FSTL4: variants seen among roughly 807,000 people sequenced by gnomAD.
The protein encoded by FSTL4 is follistatin like 4, also known as follistatin-related protein 4.
In FSTL4, 28 loss-of-function variants were observed where a neutral mutation model predicts 78.2. That is an observed-to-expected ratio of 0.36 (90% CI 0.27 to 0.49). FSTL4 has a LOEUF of 0.49. FSTL4 is among the 20% of genes least tolerant of loss of function. The probability of loss-of-function intolerance (pLI) is 0.98; values close to 1 mark genes in which losing one functional copy is unlikely to be tolerated. For synonymous variants in FSTL4, 422 were observed against 440.5 expected, an observed-to-expected ratio of 0.96 and a Z score of 0.53; for missense variants, 922 against 1,084.9, an observed-to-expected ratio of 0.85 and a Z score of 2.11.
the FSTL4 span, among the ~76,000 whole-genome samples, chr5:133,757,077 A>G: frequency 6.6e-6 from 1 of 152,174 alleles, no homozygotes; most frequent in African/African-American, 2.4e-5. Flanking sequence ...AGACTCTAGA[A>G]TTGCCAGGCC....
intron 2 of FSTL4, among the ~76,000 whole-genome samples, chr5:133,592,613 G>A (rs1417580655): frequency 1.3e-5 from 2 of 152,150 alleles, no homozygotes; most frequent in African/African-American, 4.8e-5. Context: ...GCCTAATGGA[G>A]GTGTCTGAGT....
the FSTL4 span, among the ~76,000 whole-genome samples, chr5:133,714,625 T>A: frequency 6.6e-6 from 1 of 152,208 alleles, no homozygotes; most frequent in Admixed American, 6.5e-5. Flanking sequence ...CAAGCTGTGA[T>A]GAGTGAGTAA....
the FSTL4 span, among the ~76,000 whole-genome samples, chr5:133,827,875 G>A: frequency 6.6e-6 from 1 of 152,068 alleles, no homozygotes; most frequent in African/African-American, 2.4e-5. Flanking sequence ...ATCAAGATTT[G>A]CCTCAAAACT....
chr5:133,832,675 G>A, the FSTL4 span, among the ~76,000 whole-genome samples: 98 of 152,354 alleles, frequency 6.4e-4, no homozygotes, highest in African/African-American at 2.2e-3. Flanking sequence ...AGTTAGGCAA[G>A]ACCATTAAAC....
chr5:133,319,485 G>T (rs1008913887), intron 4 of FSTL4, among the ~76,000 whole-genome samples: 2 of 152,226 alleles, frequency 1.3e-5, no homozygotes, highest in East Asian at 3.9e-4. Flanking sequence ...GGAGGAAGCA[G>T]AGGGAAGAGC....
At chr5:133,726,336 G>T in the FSTL4 span, among the ~76,000 whole-genome samples, 1 of 152,276 alleles carries the variant, frequency 6.6e-6, no homozygotes, top group East Asian at 1.9e-4. Context: ...AGACGCCATC[G>T]ACTCTGAGCA....
intron 6 of FSTL4, among the ~76,000 whole-genome samples, chr5:133,293,654 C>T (rs1460995721): frequency 6.6e-6 from 1 of 152,156 alleles, no homozygotes; most frequent in Non-Finnish European, 1.5e-5. Context: ...CTACTCTCTC[C>T]ATCCTACTGT....
chr5:133,496,082 A>G (rs1004493662), intron 3 of FSTL4, among the ~76,000 whole-genome samples: 3 of 152,192 alleles, frequency 2.0e-5, no homozygotes, highest in Admixed American at 6.5e-5. Flanking sequence ...TGCCACCTGC[A>G]GCACATAACC....
intron 3 of FSTL4, among the ~76,000 whole-genome samples, chr5:133,457,123 AAAAG>A (rs1485026009): frequency 6.6e-6 from 1 of 152,174 alleles, no homozygotes; most frequent in African/African-American, 2.4e-5. Flanking sequence ...AAGAAAAAAA[AAAAG>A]AAGAAGAAAA....
the FSTL4 span, among the ~76,000 whole-genome samples, chr5:133,781,762 A>G: frequency 6.6e-6 from 1 of 152,224 alleles, no homozygotes; most frequent in African/African-American, 2.4e-5. Flanking sequence ...GAGCTTGCCA[A>G]CAATTACGGC....
At chr5:133,519,110 G>A (rs1421964895) in intron 3 of FSTL4, among the ~76,000 whole-genome samples, 2 of 152,122 alleles carry the variant, frequency 1.3e-5, no homozygotes, top group Admixed American at 6.5e-5. Flanking sequence ...AGAGTACAAG[G>A]TGCTCCATGC....
intron 3 of FSTL4, among the ~76,000 whole-genome samples, chr5:133,433,135 T>G (rs1434350276): frequency 6.6e-6 from 1 of 152,222 alleles, no homozygotes; most frequent in East Asian, 1.9e-4. Flanking sequence ...TCTTTTTCAG[T>G]GAACTAAAAG....
chr5:133,537,852 T>C (rs1417240713), intron 3 of FSTL4, among the ~76,000 whole-genome samples: 1 of 151,928 alleles, frequency 6.6e-6, no homozygotes, highest in Non-Finnish European at 1.5e-5. Flanking sequence ...TGTGTATCTA[T>C]ATGTACACAC....
At chr5:133,312,388 T>A (rs1561667084) in intron 6 of FSTL4, 1 of 465,432 alleles carries the variant, frequency 2.1e-6, no homozygotes, top group East Asian at 3.9e-5. Flanking sequence ...CCCTCACAGC[T>A]ATGCTTCAAT....
At chr5:133,636,063 A>G in the FSTL4 span, among the ~76,000 whole-genome samples, 1 of 152,196 alleles carries the variant, frequency 6.6e-6, no homozygotes, top group East Asian at 1.9e-4. Flanking sequence ...CTGGCCTATA[A>G]TAGTCCCTCA....
rs187212088 is a variant in FSTL4, at chr5:133,309,230, G to A, written c.727+3424C>T. ...GGACAGGTGGCACTACTCCTTGTTG[G>A]GGTGGTGGGGGGTGGCGTGGGGAAG... On this transcript the variant is annotated intron_variant, in intron 6 of 15. Coordinates refer to ENST00000265342, the MANE Select transcript of FSTL4 (RefSeq NM_015082.2). Among the ~76,000 whole-genome samples the A allele has an allele frequency of 4.2e-3, 646 of 152,216 alleles. 4 individuals carry two copies. The highest frequency in any genetic ancestry group is 0.015 in the African/African-American group (626 of 41,530).
intron 3 of FSTL4, among the ~76,000 whole-genome samples, chr5:133,402,565 G>A (rs979394150): frequency 7.3e-5 from 11 of 151,604 alleles, no homozygotes; most frequent in African/African-American, 2.4e-4. Flanking sequence ...TCCTACCCAT[G>A]GGATTAAAAT....
At chr5:133,625,805 T>TATATATATATATTCC in the FSTL4 span, among the ~76,000 whole-genome samples, 3 of 10,896 alleles carry the variant, frequency 2.8e-4, no homozygotes, top group East Asian at 2.6e-3. Context: ...ATATATTCCA[T>TATATATATATATTCC]ATATATATAT....
intron 11 of FSTL4, among the ~76,000 whole-genome samples, chr5:133,222,290 C>T (rs561402302): frequency 2.6e-5 from 4 of 152,220 alleles, no homozygotes; most frequent in Admixed American, 2.6e-4. Context: ...GGGCGCTGGG[C>T]AGCCTGTTTC....
Sources: allele counts gnomAD v4.1 joint callset (sites outside exome capture counted in the v4.1 genomes callset), GRCh38; gene constraint gnomAD v4.1.1; transcripts MANE v1.5; gene names NCBI Gene and HGNC (gene_info 2026-07-23, HGNC 2026-07-21).